PCDH15: variants seen among roughly 807,000 people sequenced by gnomAD.
PCDH15 encodes the protein protocadherin related 15, also known as protocadherin-15.
In PCDH15, 129 loss-of-function variants were observed where a neutral mutation model predicts 178.5. The observed-to-expected ratio is 0.72, with a 90% CI of 0.63 to 0.84. PCDH15 has a LOEUF of 0.84. Ranked by LOEUF, PCDH15 falls within the 40% of genes least tolerant of loss-of-function variation. The pLI is 0.00. For missense variants in PCDH15, 2,230 were observed against 2,099.9 expected, an observed-to-expected ratio of 1.06 and a Z score of -1.21; for synonymous variants, 800 against 732.0, an observed-to-expected ratio of 1.09 and a Z score of -1.50.
chr10:55,524,962 T>G lies in PCDH15; in HGVS notation c.-156+102663A>C, dbSNP rs577445930. ...TTTTAAGTTTAATTACTGACTTCCA[T>G]TAAGTAGTAATTTTATGTGAAATGT... On this transcript the variant is annotated intron_variant, in intron 2 of 5. Transcript: ENST00000613346. Among the ~76,000 whole-genome samples, 8 of 151,958 alleles carry G rather than the reference T, an allele frequency of 5.3e-5. No homozygotes were observed. The South Asian group carries it at 1.7e-3, about 31-fold the overall frequency.
At chr10:55,453,603 G>T (rs548165321) in intron 2 of PCDH15, among the ~76,000 whole-genome samples, 2 of 151,944 alleles carry the variant, frequency 1.3e-5, no homozygotes, top group Non-Finnish European at 2.9e-5. Flanking sequence ...GTTTCGGGGG[G>T]TCAACTAGAT....
chr10:55,138,235 T>C (rs982693745), intron 2 of PCDH15, among the ~76,000 whole-genome samples: 1 of 152,170 alleles, frequency 6.6e-6, no homozygotes, highest in African/African-American at 2.4e-5. Context: ...ATTTAGTAAA[T>C]ACTTATAATA....
chr10:55,473,155 C>T (rs1006467806), intron 2 of PCDH15, among the ~76,000 whole-genome samples: 4 of 152,136 alleles, frequency 2.6e-5, no homozygotes, highest in African/African-American at 7.2e-5. Flanking sequence ...CTAATATTAA[C>T]GTTGTGGCAG....
At chr10:55,193,811 A>G (rs1165425447) in intron 1 of PCDH15, among the ~76,000 whole-genome samples, 1 of 151,896 alleles carries the variant, frequency 6.6e-6, no homozygotes, top group African/African-American at 2.4e-5. Flanking sequence ...TTCTTCTTTC[A>G]ATTATATTAT....
At chr10:55,206,086 C>T (rs899170545) in intron 1 of PCDH15, among the ~76,000 whole-genome samples, 1 of 151,858 alleles carries the variant, frequency 6.6e-6, no homozygotes, top group Non-Finnish European at 1.5e-5. Context: ...CTACAATATG[C>T]GATTTGGGTG....
intron 2 of PCDH15, among the ~76,000 whole-genome samples, chr10:54,660,911 G>A (rs1464786391): frequency 6.6e-6 from 1 of 151,780 alleles, no homozygotes; most frequent in Non-Finnish European, 1.5e-5. Context: ...TATCCAATAT[G>A]TCTGTATGAT....
intron 25 of PCDH15, among the ~76,000 whole-genome samples, chr10:53,915,074 G>T (rs955239419): frequency 2.6e-5 from 4 of 152,034 alleles, no homozygotes; most frequent in Admixed American, 2.0e-4. Flanking sequence ...ACATATTTTT[G>T]AATATACAGG....
At chr10:54,565,889 A>C (rs879803285) in intron 2 of PCDH15, among the ~76,000 whole-genome samples, 1 of 148,388 alleles carries the variant, frequency 6.7e-6, no homozygotes, top group African/African-American at 2.4e-5. Context: ...GTTTGAGACC[A>C]GCCTGACCAA....
intron 18 of PCDH15, among the ~76,000 whole-genome samples, chr10:54,052,409 T>C (rs890026330): frequency 1.3e-5 from 2 of 152,194 alleles, no homozygotes; most frequent in African/African-American, 2.4e-5. Flanking sequence ...ATGTGAGACA[T>C]GGAATCAAAG....
chr10:54,920,921 G>T lies in PCDH15; in HGVS notation c.-79-23421C>A, dbSNP rs143875825. 2.0e-3 allele frequency among the ~76,000 whole-genome samples: 310 copies of T among 152,250 alleles called. 1 individual carries two copies. The highest frequency in any genetic ancestry group is 7.1e-3 in the African/African-American group (297 of 41,540). On this transcript the variant is annotated intron_variant, in intron 2 of 5. Transcript: ENST00000458638. ...TATAGTAACCCACAGTCTATTGACT[G>T]ATGACCATCATATCATTAGGAATAA...
chr10:54,746,461 A>C (rs1382599085), intron 1 of PCDH15, among the ~76,000 whole-genome samples: 5 of 152,142 alleles, frequency 3.3e-5, no homozygotes, highest in African/African-American at 1.2e-4. Context: ...TAACCAAAAG[A>C]GTATAAGTGG....
rs138499806 is a variant in PCDH15, at chr10:55,144,342, A to T, written c.-80+22234T>A. ...AGAACAAGTCCTAGAGCTCAAAAAC[A>T]TCTCAACTTTGTCTGCATGGAAGCA... On this transcript the variant is annotated intron_variant, in intron 2 of 5. Transcript: ENST00000458638. 1.3e-3 allele frequency among the ~76,000 whole-genome samples: 202 copies of T among 152,196 alleles called. 1 individual carries two copies. The highest frequency in any genetic ancestry group is 3.6e-3 in the Admixed American group (55 of 15,268).
chr10:55,180,837 T>A (rs954257964), intron 1 of PCDH15, among the ~76,000 whole-genome samples: 1 of 152,120 alleles, frequency 6.6e-6, no homozygotes, highest in Non-Finnish European at 1.5e-5. Context: ...TGTTTTGAGT[T>A]AACACTTATA....
At chr10:53,946,546 C>A (rs2086592504) in intron 23 of PCDH15, among the ~76,000 whole-genome samples, 1 of 152,074 alleles carries the variant, frequency 6.6e-6, no homozygotes, top group Admixed American at 6.6e-5. Flanking sequence ...TCCTCTATGT[C>A]TTTTTGTATT....
At chr10:55,578,017 A>C (rs1237068209) in intron 2 of PCDH15, among the ~76,000 whole-genome samples, 1 of 152,074 alleles carries the variant, frequency 6.6e-6, no homozygotes, top group Admixed American at 6.5e-5. Context: ...ATTGAAAGTG[A>C]AAAATTTCTA....
chr10:54,655,296 G>GAGAGAGAGAGAGAGAGAC (rs1565866388), intron 2 of PCDH15, among the ~76,000 whole-genome samples: 8 of 120,210 alleles, frequency 6.7e-5, no homozygotes, highest in Non-Finnish European at 9.4e-5. Flanking sequence ...GAGAGAGAGA[G>GAGAGAGAGAGAGAGAGAC]AGAGAGACAG....
At chr10:55,027,943 G>C (rs1225772273) in intron 2 of PCDH15, among the ~76,000 whole-genome samples, 1 of 151,766 alleles carries the variant, frequency 6.6e-6, no homozygotes, top group Non-Finnish European at 1.5e-5. Flanking sequence ...AAAATAGAAT[G>C]TTACTTTGAT....
rs1355273267 is a variant in PCDH15 at position 55,600,554 on chromosome 10, CT to C, written c.-156+27070del. On this transcript the variant is annotated intron_variant, in intron 2 of 5. Coordinates refer to the PCDH15 transcript ENST00000613346. The stretch of plus-strand genomic sequence containing the variant: ...CCATATCAACAACAGGGTTTACGAC[CT>C]TGATGTTGGATCGGGACATCCTAAA... Among the ~76,000 whole-genome samples, 11 of 152,064 alleles carry C rather than the reference CT, an allele frequency of 7.2e-5. 1 individual carries two copies. Among genetic ancestry groups the C allele is most frequent in the Non-Finnish European group, 1.6e-4 (11 of 68,014 alleles).
At chr10:54,768,140 G>A (rs1021571014) in intron 1 of PCDH15, among the ~76,000 whole-genome samples, 1 of 151,986 alleles carries the variant, frequency 6.6e-6, no homozygotes, top group African/African-American at 2.4e-5. Flanking sequence ...CTTAACCAAA[G>A]AGTCTAAATA....
Sources: gnomAD v4.1 joint callset for allele counts (sites outside exome capture counted in the v4.1 genomes callset) on GRCh38, gnomAD v4.1.1 for gene constraint, MANE v1.5 for transcripts, NCBI Gene and HGNC (gene_info 2026-07-23, HGNC 2026-07-21) for gene names.